HACE1: variants seen among roughly 807,000 people sequenced by gnomAD.
The protein encoded by HACE1 is HECT domain and ankyrin repeat containing E3 ubiquitin protein ligase 1, also known as E3 ubiquitin-protein ligase HACE1.
In HACE1, 73 loss-of-function variants were observed where a neutral mutation model predicts 118.4. The observed-to-expected ratio is 0.62, with a 90% CI of 0.51 to 0.75. The LOEUF (loss-of-function observed/expected upper bound fraction) is 0.75. Ranked by LOEUF, HACE1 falls within the 30% of genes least tolerant of loss-of-function variation. The probability of loss-of-function intolerance (pLI) is 0.00; values close to 1 mark genes in which losing one functional copy is unlikely to be tolerated. For synonymous variants in HACE1, 368 were observed against 374.8 expected, an observed-to-expected ratio of 0.98 and a Z score of 0.21; for missense variants, 749 against 1,102.2, an observed-to-expected ratio of 0.68 and a Z score of 4.54.
At chr6:104,832,747 A>C (rs901875874) in intron 6 of HACE1, among the ~76,000 whole-genome samples, 2 of 151,968 alleles carry the variant, frequency 1.3e-5, no homozygotes, top group African/African-American at 4.8e-5. Context: ...TCAGAAGTCC[A>C]TATGGGCCAG....
At chr6:104,763,301 T>C (rs1459379581) in intron 19 of HACE1, among the ~76,000 whole-genome samples, 1 of 152,196 alleles carries the variant, frequency 6.6e-6, no homozygotes, top group African/African-American at 2.4e-5. Context: ...AATCTCATAG[T>C]ACAGATTGAG....
At chr6:104,791,437 A>C in intron 11 of HACE1, 67 bp downstream of exon 11, 1 of 1,346,688 alleles carries the variant, frequency 7.4e-7, no homozygotes, top group Non-Finnish European at 1.1e-6. Flanking sequence ...TGATTAATGA[A>C]TGCATGCTTT....
chr6:104,759,420 G>A (rs367929125), intron 19 of HACE1, among the ~76,000 whole-genome samples: 2 of 152,176 alleles, frequency 1.3e-5, no homozygotes, highest in East Asian at 3.8e-4. Context: ...CAACTAAATG[G>A]AAACTGAACA....
At chr6:104,850,844 T>G in intron 3 of HACE1, 63 bp downstream of exon 3, 2 of 958,346 alleles carry the variant, frequency 2.1e-6, no homozygotes, top group African/African-American at 3.2e-5. Flanking sequence ...GTGATAATGC[T>G]GTTCAAAGCT....
At chr6:104,801,087 C>T (rs984558496) in intron 7 of HACE1, among the ~76,000 whole-genome samples, 35 of 151,800 alleles carry the variant, frequency 2.3e-4, no homozygotes, top group African/African-American at 8.2e-4. Context: ...CTTCAATAGC[C>T]GATTCGATCA....
intron 22 of HACE1, chr6:104,732,116 T>C (rs927175103): frequency 6.6e-6 from 1 of 152,222 alleles, no homozygotes. Flanking sequence ...GAATGTAAAA[T>C]GATGCAGCCT....
chr6:104,795,069 A>G (rs964599257), intron 10 of HACE1, among the ~76,000 whole-genome samples: 1 of 152,178 alleles, frequency 6.6e-6, no homozygotes, highest in East Asian at 1.9e-4. Context: ...AACACTTCAT[A>G]TATAAATTCA....
chr6:104,798,507 C>G lies in HACE1; in HGVS notation c.618-1482G>C, dbSNP rs1160003489. On this transcript the variant is annotated intron_variant, in intron 7 of 23. Coordinates refer to ENST00000262903, the MANE Select transcript of HACE1 (RefSeq NM_020771.4). ...ACTTTATTATTATACTGATTATCTT[C>G]CTTAATACCAATAAGCCCTAACTTA... 2.6e-5 allele frequency among the ~76,000 whole-genome samples: 4 copies of G among 152,066 alleles called. No homozygotes were observed. The East Asian group carries it at 5.8e-4, about 22-fold the overall frequency.
At chr6:104,783,663 AAGTT>A (rs1782002142) in intron 14 of HACE1, among the ~76,000 whole-genome samples, 2 of 152,226 alleles carry the variant, frequency 1.3e-5, no homozygotes. Flanking sequence ...CAGGTCAAAT[AAGTT>A]AGGAGGATTA....
chr6:104,737,054 C>T (rs961626888), intron 22 of HACE1, among the ~76,000 whole-genome samples: 5 of 151,306 alleles, frequency 3.3e-5, no homozygotes, highest in African/African-American at 4.9e-5. Context: ...GAGGCCGAGG[C>T]GGGTGGATCA....
intron 10 of HACE1, 38 bp from the exon 11 acceptor site, chr6:104,791,692 CA>C: frequency 7.6e-7 from 1 of 1,308,144 alleles, no homozygotes. Context: ...TAGAGTAAAA[CA>C]AATTACATAT....
intron 11 of HACE1, among the ~76,000 whole-genome samples, chr6:104,788,357 T>C (rs1431623133): frequency 6.6e-6 from 1 of 152,110 alleles, no homozygotes; most frequent in Non-Finnish European, 1.5e-5. Flanking sequence ...ATAGTAACAA[T>C]GATATGCCAA....
chr6:104,729,633 C>T lies in HACE1; in HGVS notation c.*29G>A. ...ACTTCTGCCATTCTGAATTGTGCAT[C>T]AGTAGTCAGAGGAGTTTTCCAGACT... On this transcript the variant is annotated 3_prime_UTR_variant, in exon 24 of 24. Transcript: ENST00000262903. The T allele has an allele frequency of 3.0e-6, 3 of 996,738 alleles. No homozygotes were observed. Among genetic ancestry groups the T allele is most frequent in the Non-Finnish European group, 4.9e-6 (3 of 616,258 alleles). The allele number at this position is 996,738 out of a possible 1,614,324, so 61.7% of individuals were successfully genotyped here. A position where few individuals can be genotyped will look rare whatever the true frequency, so the allele number is the denominator to read the frequency against.
intron 7 of HACE1, among the ~76,000 whole-genome samples, chr6:104,806,501 A>T (rs1771014389): frequency 6.6e-6 from 1 of 152,146 alleles, no homozygotes; most frequent in Non-Finnish European, 1.5e-5. Context: ...TTTTTTAAAT[A>T]GATTTAAAAA....
chr6:104,834,002 GC>G (rs1392967678), intron 5 of HACE1, among the ~76,000 whole-genome samples: 1 of 152,008 alleles, frequency 6.6e-6, no homozygotes, highest in Non-Finnish European at 1.5e-5. Context: ...AAATTAGCTG[GC>G]CATGGTGGCA....
intron 7 of HACE1, among the ~76,000 whole-genome samples, chr6:104,805,175 G>C (rs1770853232): frequency 6.6e-6 from 1 of 152,196 alleles, no homozygotes; most frequent in African/African-American, 2.4e-5. Flanking sequence ...ACGCCAGTTA[G>C]AATGGCGATC....
Position 104,738,330 on chromosome 6 carries a change from T to C in HACE1, c.2513+5830A>G, listed in dbSNP as rs537953606. On this transcript the variant is annotated intron_variant, in intron 22 of 23. Coordinates refer to ENST00000262903, the MANE Select transcript of HACE1 (RefSeq NM_020771.4). ...AAAGCTGGATGGAGAATGACTTTGA[T>C]GAGCTGAGAGAAGAAGGCTTCAGAC... 4.3e-3 allele frequency among the ~76,000 whole-genome samples: 647 copies of C among 151,580 alleles called. 1 individual carries two copies. Among genetic ancestry groups the C allele is most frequent in the African/African-American group, 0.015 (599 of 41,188 alleles).
At chr6:104,812,323 G>T (rs980806177) in intron 6 of HACE1, among the ~76,000 whole-genome samples, 7 of 152,170 alleles carry the variant, frequency 4.6e-5, no homozygotes, top group Non-Finnish European at 8.8e-5. Context: ...CATCATAGTA[G>T]TAGGCCTAGC....
intron 14 of HACE1, among the ~76,000 whole-genome samples, chr6:104,778,167 T>C (rs940630779): frequency 6.6e-6 from 1 of 152,164 alleles, no homozygotes; most frequent in African/African-American, 2.4e-5. Context: ...AAGAATAAGA[T>C]CTCTTGAATA....
Sources: gnomAD v4.1 joint callset for allele counts (sites outside exome capture counted in the v4.1 genomes callset) on GRCh38, gnomAD v4.1.1 for gene constraint, MANE v1.5 for transcripts, NCBI Gene and HGNC (gene_info 2026-07-23, HGNC 2026-07-21) for gene names.